Variants in CD247 observed in about 807,000 individuals in gnomAD.
CD247 encodes the protein CD247 molecule.
A neutral mutation model predicts 30.0 loss-of-function variants in CD247; 13 were observed. That is an observed-to-expected ratio of 0.43 (90% CI 0.28 to 0.69). CD247 has a LOEUF of 0.69. Among genes scored for constraint, CD247 ranks in the 30% least tolerant of loss-of-function variants. The pLI is 0.16. For synonymous variants in CD247, 72 were observed against 80.0 expected (o/e 0.90, Z 0.53); for missense variants, 193 against 212.6 (o/e 0.91, Z 0.57).
intron 6 of CD247, among the ~76,000 whole-genome samples, 160 bp from the exon 7 acceptor site, chr1:167,433,219 G>A (rs1161959801): frequency 1.3e-5 from 2 of 152,198 alleles, no homozygotes; most frequent in African/African-American, 2.4e-5. Flanking sequence ...CAGGCCCCTG[G>A]TCAGACCTTC....
intron 1 of CD247, among the ~76,000 whole-genome samples, chr1:167,441,751 G>A (rs1651841493): frequency 6.6e-6 from 1 of 152,210 alleles, no homozygotes; most frequent in African/African-American, 2.4e-5. Context: ...CGTTTAGTTG[G>A]CACTGCCATT....
chr1:167,493,736 C>T (rs1214657886), intron 1 of CD247, among the ~76,000 whole-genome samples: 1 of 152,192 alleles, frequency 6.6e-6, no homozygotes, highest in Non-Finnish European at 1.5e-5. Flanking sequence ...GGACCAGAGG[C>T]ATCAAGTGAC....
At chr1:167,460,088 C>G (rs1045124393) in intron 1 of CD247, among the ~76,000 whole-genome samples, 1 of 152,234 alleles carries the variant, frequency 6.6e-6, no homozygotes, top group South Asian at 2.1e-4. Flanking sequence ...CCTCCCTAAT[C>G]CTCTGAAAGT....
intron 5 of CD247, chr1:167,434,839 T>G (rs1651451570): frequency 6.5e-6 from 3 of 459,936 alleles, no homozygotes; most frequent in Admixed American, 2.3e-5. Context: ...GAGACATTAC[T>G]CGATCCAAGA....
At chr1:167,475,802 TAAAG>T (rs1653721333) in intron 1 of CD247, among the ~76,000 whole-genome samples, 1 of 151,926 alleles carries the variant, frequency 6.6e-6, no homozygotes, top group Non-Finnish European at 1.5e-5. Context: ...TTCAAAGAAA[TAAAG>T]AGAGGGGTCG....
At chr1:167,470,236 C>A (rs1653450458) in intron 1 of CD247, among the ~76,000 whole-genome samples, 1 of 152,030 alleles carries the variant, frequency 6.6e-6, no homozygotes. Flanking sequence ...TTTAAAATAT[C>A]ATCCGTATAC....
chr1:167,489,768 C>G (rs796882209), intron 1 of CD247, among the ~76,000 whole-genome samples: 3 of 152,222 alleles, frequency 2.0e-5, no homozygotes, highest in African/African-American at 2.4e-5. Flanking sequence ...GGGCAGCCCC[C>G]TCCTGGGCTC....
At chr1:167,440,595 C>T in intron 2 of CD247, 69 bp downstream of exon 2, 1 of 1,066,032 alleles carries the variant, frequency 9.4e-7, no homozygotes, top group Non-Finnish European at 1.4e-6. Context: ...CTTCCAAGAC[C>T]AAGGCCCCTC....
At chr1:167,445,861 AC>A (rs1652054546) in intron 1 of CD247, among the ~76,000 whole-genome samples, 1 of 152,120 alleles carries the variant, frequency 6.6e-6, no homozygotes, top group Non-Finnish European at 1.5e-5. Context: ...CATCTGCGGG[AC>A]TTACTCACAT....
At chr1:167,432,170 G>T (rs1009229690) in intron 7 of CD247, among the ~76,000 whole-genome samples, 1 of 152,226 alleles carries the variant, frequency 6.6e-6, no homozygotes, top group African/African-American at 2.4e-5. Flanking sequence ...AAGGAAGCCT[G>T]GACTTGTCAC....
intron 1 of CD247, among the ~76,000 whole-genome samples, chr1:167,459,418 T>C (rs974731551): frequency 2.8e-5 from 4 of 144,398 alleles, no homozygotes; most frequent in Non-Finnish European, 6.0e-5. Context: ...AGTGGCATGA[T>C]CTCAGCCCAC....
chr1:167,485,656 G>A (rs977891390), intron 1 of CD247, among the ~76,000 whole-genome samples: 4 of 151,974 alleles, frequency 2.6e-5, no homozygotes, highest in Admixed American at 6.6e-5. Flanking sequence ...AGGGTATCCC[G>A]GCATGGCTTA....
intron 1 of CD247, among the ~76,000 whole-genome samples, chr1:167,468,531 C>A (rs955641272): frequency 2.6e-5 from 4 of 152,130 alleles, no homozygotes; most frequent in Non-Finnish European, 5.9e-5. Flanking sequence ...CAGTTTAATT[C>A]GAAGACTCCT....
chr1:167,513,639 T>C (rs1008320104), intron 1 of CD247, among the ~76,000 whole-genome samples: 5 of 152,214 alleles, frequency 3.3e-5, no homozygotes, highest in African/African-American at 1.2e-4. Context: ...ACCTGATGCC[T>C]TTCATTAGTT....
intron 1 of CD247, among the ~76,000 whole-genome samples, chr1:167,456,807 C>CT (rs1273936569): frequency 6.6e-6 from 1 of 152,220 alleles, no homozygotes; most frequent in African/African-American, 2.4e-5. Context: ...GTGCCACACT[C>CT]TATCTCTTCT....
At chr1:167,434,891 A>G (rs1434739992) in intron 5 of CD247, 2 of 466,696 alleles carry the variant, frequency 4.3e-6, no homozygotes, top group South Asian at 1.5e-5. Context: ...GTGAGGAGCA[A>G]CCGCCTTCCT....
chr1:167,457,823 C>T (rs1411510385), intron 1 of CD247: 3 of 152,194 alleles, frequency 2.0e-5, no homozygotes, highest in Non-Finnish European at 4.4e-5. Flanking sequence ...CCAAGGTAAA[C>T]ACCGTGATTT....
intron 1 of CD247, among the ~76,000 whole-genome samples, chr1:167,514,825 C>T (rs572894790): frequency 6.6e-5 from 10 of 152,262 alleles, no homozygotes; most frequent in South Asian, 6.2e-4. Flanking sequence ...GTTTGGACAA[C>T]TCTAATCTAA....
At chr1:167,497,138 G>T (rs36046090) in intron 1 of CD247, among the ~76,000 whole-genome samples, 29 of 152,340 alleles carry the variant, frequency 1.9e-4, no homozygotes, top group African/African-American at 6.7e-4. Context: ...AGGCACTAAA[G>T]TTGATGTAGA....
Sources: gnomAD v4.1 joint callset for allele counts (sites outside exome capture counted in the v4.1 genomes callset) on GRCh38, gnomAD v4.1.1 for gene constraint, MANE v1.5 for transcripts, NCBI Gene and HGNC (gene_info 2026-07-23, HGNC 2026-07-21) for gene names.